SALL1: variants seen among roughly 807,000 people sequenced by gnomAD.
SALL1 encodes spalt like transcription factor 1.
SALL1 carries 10 observed loss-of-function variants against 73.1 expected under a neutral mutation model. The observed-to-expected ratio is 0.14, with a 90% CI of 0.08 to 0.23. The LOEUF is 0.23. Among genes scored for constraint, SALL1 ranks in the 10% least tolerant of loss-of-function variants. SALL1 has a pLI of 1.00. For missense variants in SALL1, 1,520 were observed against 1,697.3 expected (o/e 0.90, Z 1.84); for synonymous variants, 688 against 689.8 (o/e 1.00, Z 0.04).
chr16:51,140,267 G>C lies in SALL1; in HGVS notation c.1955C>G (p.Ala652Gly). 1 of 1,614,112 alleles carries C rather than the reference G, an allele frequency of 6.2e-7. No individual in the cohort carries two copies. Among genetic ancestry groups the C allele is most frequent in the Non-Finnish European group, 8.5e-7 (1 of 1,180,048 alleles). Residue 652 changes from alanine to glycine, a missense_variant, in exon 2 of 3, where the codon GCG (alanine) becomes GGG (glycine). By Grantham distance (60) the Ala-to-Gly change is moderately conservative. This residue lies in a region of SALL1 where 276 missense variants were observed against 259.1 expected (regional missense o/e 1.07). Coordinates refer to ENST00000251020, the MANE Select transcript of SALL1 (RefSeq NM_002968.3). This position sits in a 1 kb window ranked among gnomAD's most constrained non-coding sequence, Gnocchi z 5.7. ...GTTGGTGAAGGTGGTGGCACTGCCC[G>C]CGGGGCCGCAGTCTGCCGCTGGGGA... is the stretch of plus-strand genomic sequence containing the variant. ...LSSPAADCGP[A>G]GSATTFTNPL...
rs771079605 is a variant in SALL1 at position 51,142,155 on chromosome 16, T to C, written c.77-10A>G. On this transcript the variant is annotated splice_polypyrimidine_tract_variant and intron_variant, in intron 1 of 2. Transcript: ENST00000251020. ...CCCTTTTCTGTGTCTCCTACAAATG[T>C]CAAAAAGGTGCAGGATTAGAAAAGG... is the stretch of plus-strand genomic sequence containing the variant. 5.0e-6 allele frequency: 8 copies of C among 1,603,064 alleles called. No homozygotes were observed. The highest frequency in any genetic ancestry group is 5.1e-6 in the Non-Finnish European group (6 of 1,172,524).
rs781438816 is a variant in SALL1 at position 51,139,671 on chromosome 16, A to T, written c.2551T>A (p.Leu851Ile). ...PKSADASQDS[L>I]SSSPLPLEMS... ...TCGAGGGGCAAAGGCGAAGAGGATA[A>T]GCTGTCTTGGGAGGCGTCTGCAGAC... The change falls in exon 2 of 3, where the codon TTA (leucine) becomes ATA (isoleucine). Residue 851 changes from leucine to isoleucine, a missense_variant. By Grantham distance (5) the Leu-to-Ile change is conservative (BLOSUM62 2). Transcript: ENST00000251020. 5.6e-6 allele frequency: 9 copies of T among 1,614,106 alleles called. No homozygotes were observed. The highest frequency in any genetic ancestry group is 1.3e-5 in the African/African-American group (1 of 74,942).
chr16:51,139,154 T>G lies in SALL1; in HGVS notation c.3068A>C (p.His1023Pro), dbSNP rs1962364472. 2 of 1,614,232 alleles carry G rather than the reference T, an allele frequency of 1.2e-6. No individual in the cohort carries two copies. The highest frequency in any genetic ancestry group is 1.7e-6 in the Non-Finnish European group (2 of 1,180,042). The change falls in exon 2 of 3, where the codon CAT (histidine) becomes CCT (proline). Residue 1023 changes from histidine (H) to proline (P), a missense_variant. Transcript: ENST00000251020. The stretch of plus-strand genomic sequence containing the variant: ...GCAAATAAATGGTCTCTCTTTGGTA[T>G]GACTTCTATAGTGAATGTCCAAGGC... ...QSALDIHYRS[H>P]TKERPFICTV...
At chr16:51,151,617 T>C (rs1179151897), upstream of SALL1, among the ~76,000 whole-genome samples, 1 of 150,630 alleles carries the variant, frequency 6.6e-6, no homozygotes, top group Non-Finnish European at 1.5e-5. Flanking sequence ...GGGTTAACCC[T>C]CTTTGCGACC....
Position 51,140,297 on chromosome 16 carries a change from A to G in SALL1, c.1925T>C (p.Leu642Pro), listed in dbSNP as rs1206954702. ...GCCGCAGTCTGCCGCTGGGGAGCTC[A>G]GGACGCTACTGCTCGCCGTCGGGAC... is the stretch of plus-strand genomic sequence containing the variant. ...NSVPTASSSV[L>P]SSPAADCGPA... The change falls in exon 2 of 3, where the codon CTG becomes CCG. Residue 642 changes from leucine to proline, a missense_variant. Transcript: ENST00000251020. The surrounding 1 kb of genome is among the most constrained non-coding windows in gnomAD (Gnocchi z 5.7). The G allele has an allele frequency of 1.9e-6, 3 of 1,614,148 alleles. No homozygotes were observed. The highest frequency in any genetic ancestry group is 2.5e-6 in the Non-Finnish European group (3 of 1,180,040).
Position 51,139,801 on chromosome 16 carries a change from C to T in SALL1, c.2421G>A (p.Glu807=). ...TCTCATCAAAGGAACCTGTGTCAGA[C>T]TCCATGGACTCAGAGTAGCTGTCGG... ...PVPDSYSESM[E]SDTGSFDEKN... is the part of the protein sequence containing the mutation. Residue 807 remains glutamate (E), a synonymous_variant, in exon 2 of 3, where the codon GAG becomes GAA. Transcript: ENST00000251020. The T allele has an allele frequency of 6.2e-7, 1 of 1,614,192 alleles. No homozygotes were observed.
chr16:51,151,758 TC>T (rs985511685), upstream of SALL1, among the ~76,000 whole-genome samples: 1 of 145,750 alleles, frequency 6.9e-6, no homozygotes, highest in Non-Finnish European at 1.5e-5. Context: ...CCCCCCACAA[TC>T]CCGGGCTGGG....
rs1200946310 is a variant in SALL1, at chr16:51,139,651, G to A, written c.2571C>T (p.Pro857=). 6.2e-7 allele frequency: 1 copy of A among 1,613,806 alleles called. No homozygotes were observed. The highest frequency in any genetic ancestry group is 1.3e-5 in the African/African-American group (1 of 74,876). ...AAGCAGCGATGCTCGACATCTCGAGGGGCAAAGGCGAAGAGGATAAGCTGT... is the reference window on the plus strand; with the variant it reads ...AAGCAGCGATGCTCGACATCTCGAGAGGCAAAGGCGAAGAGGATAAGCTGT... ...SQDSLSSSPL[P]LEMSSIAALE... is the part of the protein sequence containing the mutation. Residue 857 remains proline, a synonymous_variant, in exon 2 of 3, where the codon CCC becomes CCT. Transcript: ENST00000251020.
At position 51,142,081 on chromosome 16, in the gene SALL1, C is replaced by G. The variant is rs1216109629; in HGVS notation, c.141G>C (p.Arg47=). 6.2e-7 allele frequency: 1 copy of G among 1,613,942 alleles called. No homozygotes were observed. The highest frequency in any genetic ancestry group is 8.5e-7 in the Non-Finnish European group (1 of 1,180,008). The change falls in exon 2 of 3, where the codon CGG becomes CGC. Residue 47 remains arginine, a synonymous_variant. Coordinates refer to ENST00000251020, the MANE Select transcript of SALL1 (RefSeq NM_002968.3). ...ATAATTCAAAGAACTCGGCACAGCACCGGCCACAGACGTGGGCATCCTTGC... is the reference window on the plus strand; with the variant it reads ...ATAATTCAAAGAACTCGGCACAGCAGCGGCCACAGACGTGGGCATCCTTGC... ...TKSKDAHVCG[R]CCAEFFELSD...
intron 1 of SALL1, among the ~76,000 whole-genome samples, chr16:51,147,829 A>C (rs1040607187): frequency 1.3e-5 from 2 of 151,210 alleles, no homozygotes; most frequent in Non-Finnish European, 3.0e-5. Flanking sequence ...GCACTTACGC[A>C]CACAAAACAC....
At chr16:51,151,615 C>T (rs1470607896), upstream of SALL1, among the ~76,000 whole-genome samples, 3 of 151,502 alleles carry the variant, frequency 2.0e-5, no homozygotes, top group East Asian at 5.9e-4. Flanking sequence ...CTGGGTTAAC[C>T]CTCTTTGCGA....
rs1480845744 is a variant in SALL1, at chr16:51,136,951, A to G, written c.*161T>C. 1.5e-6 allele frequency: 1 copy of G among 664,656 alleles called. No homozygotes were observed. The highest frequency in any genetic ancestry group is 2.6e-6 in the Non-Finnish European group (1 of 378,580). The allele number at this position is 664,656 out of a possible 1,614,324, so 41.2% of individuals were successfully genotyped here. On this transcript the variant is annotated 3_prime_UTR_variant, in exon 3 of 3. Transcript: ENST00000251020. The stretch of plus-strand genomic sequence containing the variant: ...AATAAATAAGCTTTCTTAGAACTCT[A>G]AAGTTGAACAAGGTACAAAAGAATG...
Position 51,141,112 on chromosome 16 carries a change from G to C in SALL1, c.1110C>G (p.Val370=). ...CAAAAGCTGGTGAGGACGATGATGA[G>C]ACCGCTGGGTTGCTGACATGGGAGG... ...AGASHVSNPA[V]SSSSSPAFAI... is the part of the protein sequence containing the mutation. Residue 370 remains valine, a synonymous_variant, in exon 2 of 3, where the codon GTC becomes GTG. Coordinates refer to ENST00000251020, the MANE Select transcript of SALL1 (RefSeq NM_002968.3). The surrounding 1 kb of genome is among the most constrained non-coding windows in gnomAD (Gnocchi z 5.4). 1.2e-6 allele frequency: 2 copies of C among 1,614,242 alleles called. No homozygotes were observed. The highest frequency in any genetic ancestry group is 1.7e-6 in the Non-Finnish European group (2 of 1,180,044).
At position 51,141,233 on chromosome 16, in the gene SALL1, A is replaced by G; in HGVS notation, c.989T>C (p.Ile330Thr). Residue 330 changes from isoleucine (I) to threonine (T), a missense_variant, in exon 2 of 3, where the codon ATC becomes ACC. Ile to Thr is a moderately conservative substitution (Grantham distance 89, BLOSUM62 -1). Transcript: ENST00000251020. The surrounding 1 kb of genome is among the most constrained non-coding windows in gnomAD (Gnocchi z 5.4). Reference sequence around the variant, plus strand: ...AGAAGAGCCGCTGTTGGATGGAATGATGGTGTTGCCAGAACTGCTCTGAGG... The same window carrying G: ...AGAAGAGCCGCTGTTGGATGGAATGGTGGTGTTGCCAGAACTGCTCTGAGG... ...QLPQSSSGNT[I>T]IPSNSGSSPN... 6.2e-7 allele frequency: 1 copy of G among 1,614,124 alleles called. No homozygotes were observed.
Position 51,140,266 on chromosome 16 carries a change from C to A in SALL1, c.1956G>T (p.Ala652=), listed in dbSNP as rs201019414. Residue 652 remains alanine (A), a synonymous_variant, in exon 2 of 3, where the codon GCG becomes GCT. Coordinates refer to ENST00000251020, the MANE Select transcript of SALL1 (RefSeq NM_002968.3). This position sits in a 1 kb window ranked among gnomAD's most constrained non-coding sequence, Gnocchi z 5.7. ...LSSPAADCGP[A]GSATTFTNPL... ...GGTTGGTGAAGGTGGTGGCACTGCC[C>A]GCGGGGCCGCAGTCTGCCGCTGGGG... is the stretch of plus-strand genomic sequence containing the variant. 3.2e-5 allele frequency: 52 copies of A among 1,614,132 alleles called. No individual in the cohort carries two copies. Among genetic ancestry groups the A allele is most frequent in the Non-Finnish European group, 4.2e-5 (50 of 1,180,050 alleles).
Position 51,141,354 on chromosome 16 carries a change from A to G in SALL1, c.868T>C (p.Ser290Pro). 6.2e-7 allele frequency: 1 copy of G among 1,613,580 alleles called. No homozygotes were observed. The highest frequency in any genetic ancestry group is 8.5e-7 in the Non-Finnish European group (1 of 1,179,968). The change falls in exon 2 of 3, where the codon TCT (serine) becomes CCT (proline). Residue 290 changes from serine to proline, a missense_variant. By Grantham distance (74) the Ser-to-Pro change is moderately conservative. Around this residue, in one of 7 missense-constraint regions of SALL1, gnomAD observed 540 missense variants for 567.5 expected, o/e 0.95. Coordinates refer to ENST00000251020, the MANE Select transcript of SALL1 (RefSeq NM_002968.3). This position sits in a 1 kb window ranked among gnomAD's most constrained non-coding sequence, Gnocchi z 5.4. The part of the protein sequence containing the change: ...NPLSTLSSHL[S>P]QQLAAAAGLA... ...CCAGCTGCTGCTGCCAGCTGCTGAG[A>G]TAAATGGGAACTTAGCGTGGACAAG...
Position 51,141,503 on chromosome 16 carries a change from T to C in SALL1, c.719A>G (p.Gln240Arg). The change falls in exon 2 of 3, where the codon CAG becomes CGG. Residue 240 changes from glutamine (Q) to arginine (R), a missense_variant. This residue lies in a region of SALL1 where 540 missense variants were observed against 567.5 expected (regional missense o/e 0.95). Coordinates refer to ENST00000251020, the MANE Select transcript of SALL1 (RefSeq NM_002968.3). The surrounding 1 kb of genome is among the most constrained non-coding windows in gnomAD (Gnocchi z 5.4). Reference protein sequence around the residue: ...MEQLLALQQQQIHQLQLIEQI... With the variant: ...MEQLLALQQQRIHQLQLIEQI... Reference sequence around the variant, plus strand: ...TTCGATCAATTGCAGCTGGTGGATCTGCTGCTGCTGCAGAGCTAGGAGTTG... The same window carrying C: ...TTCGATCAATTGCAGCTGGTGGATCCGCTGCTGCTGCAGAGCTAGGAGTTG... 6.2e-7 allele frequency: 1 copy of C among 1,613,224 alleles called. No individual in the cohort carries two copies. Among genetic ancestry groups the C allele is most frequent in the Non-Finnish European group, 8.5e-7 (1 of 1,179,342 alleles).
Position 51,141,423 on chromosome 16 carries a change from A to C in SALL1, c.799T>G (p.Ser267Ala). The C allele has an allele frequency of 6.2e-7, 1 of 1,614,192 alleles. No individual in the cohort carries two copies. The highest frequency in any genetic ancestry group is 8.5e-7 in the Non-Finnish European group (1 of 1,180,034). Residue 267 changes from serine to alanine, a missense_variant, in exon 2 of 3, where the codon TCT becomes GCT. This residue lies in a region of SALL1 where 540 missense variants were observed against 567.5 expected (regional missense o/e 0.95). Coordinates refer to ENST00000251020, the MANE Select transcript of SALL1 (RefSeq NM_002968.3). The surrounding 1 kb of genome is among the most constrained non-coding windows in gnomAD (Gnocchi z 5.4). The stretch of plus-strand genomic sequence containing the variant: ...AAAGTACCTTGAGAAGGACTAGAAG[A>C]TGTTGGCAAGTCTGCATTCTGAGAA... ...LASQNADLPT[S>A]SSPSQGTLRT...
At chr16:51,152,262 C>G (rs1962635626), upstream of SALL1, 1 of 152,798 alleles carries the variant, frequency 6.5e-6, no homozygotes, top group East Asian at 1.9e-4. Context: ...ACTGATCCTC[C>G]AGCTTCTTGC....
Sources: allele counts gnomAD v4.1 joint callset (sites outside exome capture counted in the v4.1 genomes callset), GRCh38; gene constraint gnomAD v4.1.1; regional missense constraint gnomAD v4.1.1; non-coding constraint Gnocchi (gnomAD v3.1); transcripts MANE v1.5; gene names NCBI Gene and HGNC (gene_info 2026-07-23, HGNC 2026-07-21).